GRIA4: variants seen among roughly 807,000 people sequenced by gnomAD.
GRIA4 encodes glutamate ionotropic receptor AMPA type subunit 4.
GRIA4 carries 34 observed loss-of-function variants against 104.0 expected under a neutral mutation model. The ratio of observed to expected loss-of-function variants is 0.33; its 90% CI spans 0.25 to 0.44. The LOEUF is 0.44. Ranked by LOEUF, GRIA4 falls within the 20% of genes least tolerant of loss-of-function variation. GRIA4 has a pLI of 1.00. For synonymous variants in GRIA4, 386 were observed against 381.9 expected, an observed-to-expected ratio of 1.01 and a Z score of -0.13; for missense variants, 750 against 1,096.5, an observed-to-expected ratio of 0.68 and a Z score of 4.46.
At chr11:105,976,510 T>A (rs73552649) in intron 16 of GRIA4, among the ~76,000 whole-genome samples, 221 of 152,104 alleles carry the variant, frequency 1.5e-3, no homozygotes, top group African/African-American at 5.1e-3. Context: ...GAAGCATTCA[T>A]TGGACATTTT....
At chr11:105,937,953 G>GC (rs1194916863) in intron 14 of GRIA4, among the ~76,000 whole-genome samples, 1 of 152,094 alleles carries the variant, frequency 6.6e-6, no homozygotes, top group Non-Finnish European at 1.5e-5. Context: ...GCAACTCAGA[G>GC]CCCCACAGCA....
In GRIA4 at chr11:105,979,489, C is replaced by T. The variant is rs187247612; in HGVS notation, c.2545-86C>T. On this transcript the variant is annotated intron_variant, in intron 16 of 16. Transcript: ENST00000282499. Reference sequence around the variant, plus strand: ...TGCAGATGTCTAATTATTTATATTTCGGTGTTTGTTGTGGAACATATTGTT... The same window carrying T: ...TGCAGATGTCTAATTATTTATATTTTGGTGTTTGTTGTGGAACATATTGTT... The T allele has an allele frequency of 7.9e-4, 899 of 1,131,326 alleles. 6 individuals are homozygous for T. The Middle Eastern group carries it at 9.1e-3, about 11-fold the overall frequency. The allele number at this position is 1,131,326 out of a possible 1,614,324, so 70.1% of individuals were successfully genotyped here. A position where few individuals can be genotyped will look rare whatever the true frequency, so the allele number is the denominator to read the frequency against.
chr11:105,925,363 C>T (rs1338527161), intron 12 of GRIA4, among the ~76,000 whole-genome samples: 1 of 152,074 alleles, frequency 6.6e-6, no homozygotes, highest in Non-Finnish European at 1.5e-5. Context: ...GTCATGGCTC[C>T]CTTCCTTTGG....
At chr11:105,649,992 G>A (rs1197240364) in intron 3 of GRIA4, among the ~76,000 whole-genome samples, 2 of 151,972 alleles carry the variant, frequency 1.3e-5, no homozygotes, top group African/African-American at 4.8e-5. Context: ...GAGAGAATAT[G>A]TTAAAACAGA....
chr11:105,747,307 A>G (rs1016550255), intron 3 of GRIA4, among the ~76,000 whole-genome samples: 1 of 152,216 alleles, frequency 6.6e-6, no homozygotes, highest in East Asian at 1.9e-4. Flanking sequence ...ACAATTCAAA[A>G]TTACAAAACA....
At chr11:105,873,503 G>A (rs1945692819) in intron 5 of GRIA4, among the ~76,000 whole-genome samples, 1 of 152,144 alleles carries the variant, frequency 6.6e-6, no homozygotes, top group Non-Finnish European at 1.5e-5. Flanking sequence ...TGGCCACACT[G>A]TCTTCCACAA....
intron 3 of GRIA4, among the ~76,000 whole-genome samples, chr11:105,634,845 T>C (rs903504061): frequency 1.3e-5 from 2 of 152,216 alleles, no homozygotes; most frequent in Admixed American, 6.5e-5. Context: ...TAGGTTTAGG[T>C]GAATGTCAGA....
At chr11:105,900,615 CTCTCTCCG>C (rs1946819999) in intron 7 of GRIA4, among the ~76,000 whole-genome samples, 1 of 151,988 alleles carries the variant, frequency 6.6e-6, no homozygotes, top group Admixed American at 6.6e-5. Flanking sequence ...GAGACAGAGT[CTCTCTCCG>C]TCACCCAGGC....
intron 13 of GRIA4, among the ~76,000 whole-genome samples, chr11:105,930,604 G>T (rs750202452): frequency 6.6e-6 from 1 of 152,024 alleles, no homozygotes; most frequent in African/African-American, 2.4e-5. Flanking sequence ...TTTTTAAAAA[G>T]ATTTATTTGC....
intron 14 of GRIA4, among the ~76,000 whole-genome samples, chr11:105,958,445 T>G (rs613934): frequency 1 from 152,118 of 152,320 alleles, 75,958 homozygotes; most frequent in Middle Eastern, 1. Context: ...AACCAGCCTT[T>G]CATCCCAGGG....
chr11:105,682,003 G>A (rs2135467579), intron 3 of GRIA4, among the ~76,000 whole-genome samples: 1 of 152,104 alleles, frequency 6.6e-6, no homozygotes, highest in South Asian at 2.1e-4. Flanking sequence ...TCACACAACT[G>A]CACTCCAGCC....
chr11:105,748,419 G>A (rs950901153), intron 3 of GRIA4, among the ~76,000 whole-genome samples: 1 of 151,326 alleles, frequency 6.6e-6, no homozygotes, highest in Non-Finnish European at 1.5e-5. Context: ...TGCTCTTGCT[G>A]CCCAGGCTGG....
At chr11:105,753,890 G>A (rs2135698078) in intron 4 of GRIA4, among the ~76,000 whole-genome samples, 1 of 152,252 alleles carries the variant, frequency 6.6e-6, no homozygotes, top group African/African-American at 2.4e-5. Flanking sequence ...GGAAAGGAGT[G>A]TGGGGCTTCC....
intron 14 of GRIA4, among the ~76,000 whole-genome samples, chr11:105,941,653 T>A (rs549147108): frequency 6.6e-6 from 1 of 152,282 alleles, no homozygotes; most frequent in Non-Finnish European, 1.5e-5. Flanking sequence ...CTTTAAGTGC[T>A]AAATATTTGG....
At chr11:105,926,029 AT>A (rs1947693867) in intron 12 of GRIA4, among the ~76,000 whole-genome samples, 1 of 152,028 alleles carries the variant, frequency 6.6e-6, no homozygotes, top group African/African-American at 2.4e-5. Flanking sequence ...AAGAGAGAAA[AT>A]CGTATATGAG....
chr11:105,878,162 G>A (rs1945905023), intron 5 of GRIA4, among the ~76,000 whole-genome samples: 1 of 152,188 alleles, frequency 6.6e-6, no homozygotes, highest in African/African-American at 2.4e-5. Context: ...TTCTCTAACA[G>A]TCAGGACCCT....
intron 4 of GRIA4, among the ~76,000 whole-genome samples, chr11:105,810,544 C>T (rs544360046): frequency 1.1e-3 from 170 of 152,200 alleles, no homozygotes; most frequent in Admixed American, 2.7e-3. Context: ...CATCAGTCCT[C>T]AAGAAGGCTA....
intron 13 of GRIA4, among the ~76,000 whole-genome samples, chr11:105,933,212 A>T (rs1178572070): frequency 6.6e-6 from 1 of 152,072 alleles, no homozygotes; most frequent in Non-Finnish European, 1.5e-5. Flanking sequence ...ACTGCACTCC[A>T]GTCTGGGCAA....
At chr11:105,848,696 T>C (rs2135981327) in intron 4 of GRIA4, among the ~76,000 whole-genome samples, 1 of 152,284 alleles carries the variant, frequency 6.6e-6, no homozygotes, top group Admixed American at 6.5e-5. Flanking sequence ...ATGCAACTGC[T>C]TTTAAAAGGT....
Sources: allele counts gnomAD v4.1 joint callset (sites outside exome capture counted in the v4.1 genomes callset), GRCh38; gene constraint gnomAD v4.1.1; transcripts MANE v1.5; gene names NCBI Gene and HGNC (gene_info 2026-07-23, HGNC 2026-07-21).